SPON1: variants seen among roughly 807,000 people sequenced by gnomAD.
SPON1 encodes spondin 1, also known as spondin-1.
Under a neutral mutation model 111.7 loss-of-function variants are expected in SPON1, and 52 were observed. The ratio of observed to expected loss-of-function variants is 0.47; its 90% CI spans 0.37 to 0.59. The LOEUF is 0.59. SPON1 is among the 20% of genes least tolerant of loss of function. SPON1 has a pLI of 0.00. For missense variants in SPON1, 957 were observed against 1,068.5 expected (o/e 0.90, Z 1.46); for synonymous variants, 410 against 395.8 (o/e 1.04, Z -0.43).
At chr11:14,169,045 TTTCTAG>T (rs1848066714) in intron 6 of SPON1, among the ~76,000 whole-genome samples, 2 of 152,210 alleles carry the variant, frequency 1.3e-5, no homozygotes, top group African/African-American at 4.8e-5. Flanking sequence ...TCAAATGGTA[TTTCTAG>T]TTCTAGATCC....
chr11:14,033,320 G>A (rs1350332598), intron 2 of SPON1, among the ~76,000 whole-genome samples: 4 of 152,194 alleles, frequency 2.6e-5, no homozygotes, highest in East Asian at 1.9e-4. Context: ...CTTTGGAATC[G>A]TATTCTCCTA....
At chr11:14,029,104 A>G (rs1157468093) in intron 2 of SPON1, among the ~76,000 whole-genome samples, 4 of 148,524 alleles carry the variant, frequency 2.7e-5, no homozygotes, top group Admixed American at 2.7e-4. Context: ...GGACTACACC[A>G]TGATTCAGGC....
intron 6 of SPON1, among the ~76,000 whole-genome samples, chr11:14,155,115 G>A (rs557615993): frequency 4.6e-5 from 7 of 152,308 alleles, no homozygotes; most frequent in African/African-American, 1.7e-4. Context: ...AATTTGACAA[G>A]TCTCTGGAAA....
rs782764773 is a variant in SPON1, at chr11:14,254,564, A to T, written c.927A>T (p.Arg309Ser). ...AAPSAEFSVD[R>S]TRHLMSFLTM... ...CTTCAGCTGAATTTTCCGTGGACAG[A>T]ACGCGCCATTTAATGTCCTTCCTGA... The change falls in exon 8 of 16, where the codon AGA becomes AGT. Residue 309 changes from arginine to serine, a missense_variant. Physicochemically the swap from Arg to Ser is moderately radical, Grantham distance 110. This residue lies in a region of SPON1 where 122 missense variants were observed against 143.2 expected (regional missense o/e 0.85). Transcript: ENST00000576479. The T allele has an allele frequency of 6.9e-5, 111 of 1,612,618 alleles. No individual in the cohort carries two copies. In the Middle Eastern group the frequency reaches 2.0e-3, roughly 29 times the overall value.
intron 6 of SPON1, among the ~76,000 whole-genome samples, chr11:14,177,551 G>A (rs965270497): frequency 5.9e-5 from 9 of 152,184 alleles, no homozygotes; most frequent in Non-Finnish European, 1.0e-4. Flanking sequence ...CTCAAGCACT[G>A]ATCTTAAGAG....
At chr11:14,212,923 T>C (rs1450654877) in intron 6 of SPON1, among the ~76,000 whole-genome samples, 4 of 152,174 alleles carry the variant, frequency 2.6e-5, no homozygotes, top group Non-Finnish European at 5.9e-5. Context: ...AATGACAGAA[T>C]TGACAAGAGG....
At chr11:14,162,229 T>C (rs1847974643) in intron 6 of SPON1, among the ~76,000 whole-genome samples, 1 of 150,788 alleles carries the variant, frequency 6.6e-6, no homozygotes, top group Non-Finnish European at 1.5e-5. Flanking sequence ...CACTAACCCA[T>C]GTATATTACA....
chr11:14,061,875 C>G (rs1009571432), intron 3 of SPON1, among the ~76,000 whole-genome samples: 1 of 152,242 alleles, frequency 6.6e-6, no homozygotes, highest in Non-Finnish European at 1.5e-5. Context: ...TGAGGCCTAA[C>G]TACTGCAACA....
intron 1 of SPON1, among the ~76,000 whole-genome samples, chr11:13,968,600 A>G (rs1554908288): frequency 6.6e-6 from 1 of 152,226 alleles, no homozygotes; most frequent in African/African-American, 2.4e-5. Context: ...GATACCTGGT[A>G]ACAAAATTAA....
intron 6 of SPON1, among the ~76,000 whole-genome samples, chr11:14,230,584 G>C (rs1006962773): frequency 2.0e-5 from 3 of 152,102 alleles, no homozygotes; most frequent in Non-Finnish European, 4.4e-5. Context: ...CTTCCCAGCC[G>C]CTGCCTTGGC....
rs782210600 is a variant in SPON1, at chr11:14,254,632, C to A, written c.995C>A (p.Ala332Glu). The A allele has an allele frequency of 5.6e-6, 9 of 1,614,040 alleles. No homozygotes were observed. The African/African-American group carries it at 8.0e-5, about 14-fold the overall frequency. ...CCCGACTGGAACGTAGGCTTATCTGCAGAAGATCTGTGCACCAAGGAATGT... is the reference window on the plus strand; with the variant it reads ...CCCGACTGGAACGTAGGCTTATCTGAAGAAGATCTGTGCACCAAGGAATGT... ...PSPDWNVGLS[A>E]EDLCTKECGW... The change falls in exon 8 of 16, where the codon GCA becomes GAA. Residue 332 changes from alanine (A) to glutamate (E), a missense_variant. This residue lies in a region of SPON1 where 19 missense variants were observed against 47.5 expected (regional missense o/e 0.40). Coordinates refer to ENST00000576479, the MANE Select transcript of SPON1 (RefSeq NM_006108.4).
chr11:14,076,933 C>A (rs146317205), intron 4 of SPON1, among the ~76,000 whole-genome samples: 1 of 152,204 alleles, frequency 6.6e-6, no homozygotes, highest in African/African-American at 2.4e-5. Flanking sequence ...GTTCAACTGC[C>A]TGCAAGTTCA....
At chr11:13,981,661 A>G (rs1005878030) in intron 1 of SPON1, among the ~76,000 whole-genome samples, 17 of 152,334 alleles carry the variant, frequency 1.1e-4, no homozygotes, top group African/African-American at 4.1e-4. Context: ...TTTCCTGGGT[A>G]GATGTAGGAA....
At chr11:13,991,841 T>G (rs1848233217) in intron 2 of SPON1, among the ~76,000 whole-genome samples, 1 of 152,182 alleles carries the variant, frequency 6.6e-6, no homozygotes, top group African/African-American at 2.4e-5. Context: ...TGCTGGAGTT[T>G]GCTGGAGGTC....
chr11:14,038,439 A>T (rs2133812184), intron 2 of SPON1, among the ~76,000 whole-genome samples: 1 of 152,296 alleles, frequency 6.6e-6, no homozygotes, highest in East Asian at 1.9e-4. Flanking sequence ...ACTGCACTCC[A>T]GCCTGGGCAA....
rs79697667 is a variant in SPON1 at position 14,247,936 on chromosome 11, C to A, written c.890+4540C>A. ...GCCCTCAAGGAATGGGAGACAATGC[C>A]AAGGGCATAAGAATAGGAATCAAGG... On this transcript the variant is annotated intron_variant, in intron 7 of 15. Coordinates refer to ENST00000576479, the MANE Select transcript of SPON1 (RefSeq NM_006108.4). Among the ~76,000 whole-genome samples the A allele has an allele frequency of 6.3e-3, 962 of 152,274 alleles. 13 individuals are homozygous for A. Among genetic ancestry groups the A allele is most frequent in the African/African-American group, 0.022 (921 of 41,548 alleles).
At chr11:14,166,134 TA>T (rs1349599545) in intron 6 of SPON1, among the ~76,000 whole-genome samples, 3 of 152,222 alleles carry the variant, frequency 2.0e-5, no homozygotes, top group Non-Finnish European at 4.4e-5. Flanking sequence ...TAATTGGCTC[TA>T]TAAGTCAACT....
At chr11:14,066,777 G>A (rs1001726080) in intron 3 of SPON1, among the ~76,000 whole-genome samples, 1 of 152,112 alleles carries the variant, frequency 6.6e-6, no homozygotes, top group Non-Finnish European at 1.5e-5. Context: ...GGACCCTCTG[G>A]TTCCCAAATC....
intron 6 of SPON1, chr11:14,224,811 T>C (rs971767714): frequency 2.4e-6 from 1 of 415,042 alleles, no homozygotes; most frequent in Admixed American, 2.5e-5. Flanking sequence ...GGCTCCATGC[T>C]GAACAAAATT....
Sources: gnomAD v4.1 joint callset for allele counts (sites outside exome capture counted in the v4.1 genomes callset) on GRCh38, gnomAD v4.1.1 for gene constraint, gnomAD v4.1.1 regional missense constraint, MANE v1.5 for transcripts, NCBI Gene and HGNC (gene_info 2026-07-23, HGNC 2026-07-21) for gene names.